The following IAH1 variants were observed in gnomAD, a reference collection of about 807,000 sequenced individuals.
The protein encoded by IAH1 is isoamyl acetate-hydrolyzing esterase 1 homolog.
Under a neutral mutation model 26.7 loss-of-function variants are expected in IAH1, and 24 were observed. The ratio of observed to expected loss-of-function variants is 0.90; its 90% CI spans 0.65 to 1.26. IAH1 has a LOEUF of 1.26. Ranked by LOEUF, IAH1 falls within the 50% of genes most tolerant of loss-of-function variation. IAH1 has a pLI of 0.00. For synonymous variants in IAH1, 140 were observed against 118.5 expected, an observed-to-expected ratio of 1.18 and a Z score of -1.18; for missense variants, 300 against 299.9, an observed-to-expected ratio of 1.00 and a Z score of 0.00.
At chr2:9,504,592 T>C in the IAH1 span, among the ~76,000 whole-genome samples, 1 of 151,748 alleles carries the variant, frequency 6.6e-6, no homozygotes, top group African/African-American at 2.4e-5. Context: ...TAGTGAAACC[T>C]CGTCTCTACT....
intron 2 of IAH1, among the ~76,000 whole-genome samples, chr2:9,477,218 G>T (rs1443797088): frequency 2.0e-5 from 3 of 152,146 alleles, no homozygotes. Context: ...GTCCCCTTGT[G>T]CTGCTTTGGA....
downstream of IAH1, among the ~76,000 whole-genome samples, chr2:9,500,045 C>A (rs1403652046): frequency 6.6e-6 from 1 of 151,978 alleles, no homozygotes; most frequent in Non-Finnish European, 1.5e-5. Flanking sequence ...CCCAGAAATT[C>A]TATTCCTGAA....
chr2:9,509,424 G>A, the IAH1 span, among the ~76,000 whole-genome samples: 2 of 152,134 alleles, frequency 1.3e-5, no homozygotes, highest in Admixed American at 1.3e-4. Context: ...AATAGTAAAT[G>A]ATTCCATTAA....
At chr2:9,487,717 C>T (rs544832795) in intron 5 of IAH1, among the ~76,000 whole-genome samples, 161 of 152,050 alleles carry the variant, frequency 1.1e-3, no homozygotes, top group South Asian at 1.9e-3. Flanking sequence ...ATATTTCTGT[C>T]GCAGGGCCAC....
downstream of IAH1, among the ~76,000 whole-genome samples, chr2:9,491,646 G>C (rs1333408818): frequency 1.3e-5 from 2 of 152,176 alleles, no homozygotes; most frequent in Non-Finnish European, 2.9e-5. Flanking sequence ...GAGGAACTGG[G>C]CCTCAATCCC....
In IAH1 at chr2:9,481,270, TG is replaced by T. The variant is rs1160706137; in HGVS notation, c.284-15del. 1 of 1,613,492 alleles carries T rather than the reference TG, an allele frequency of 6.2e-7. No individual in the cohort carries two copies. The highest frequency in any genetic ancestry group is 8.5e-7 in the Non-Finnish European group (1 of 1,179,636). ...TAAATATGCATCTGGTGAGGACTCA[TG>T]TTTCTCTTGAGCAGATGAGAATCCC... is the stretch of plus-strand genomic sequence containing the variant. On this transcript the variant is annotated splice_polypyrimidine_tract_variant and intron_variant, in intron 3 of 5. Transcript: ENST00000497473.
At position 9,481,408 on chromosome 2, in the gene IAH1, C is replaced by A; in HGVS notation, c.406C>A (p.Leu136Ile). Residue 136 changes from leucine (L) to isoleucine (I), a missense_variant, in exon 4 of 6, where the codon CTT becomes ATT. Physicochemically the swap from Leu to Ile is conservative, Grantham distance 5. Transcript: ENST00000497473. Reference protein sequence around the residue: ...NRVILITPTPLCETAWEEQCI... With the variant: ...NRVILITPTPICETAWEEQCI... ...AGTCATTCTCATCACGCCGACCCCA[C>A]TTTGTGAAACAGCCTGGGAAGAACA... The A allele has an allele frequency of 6.2e-7, 1 of 1,614,194 alleles. No individual in the cohort carries two copies. The highest frequency in any genetic ancestry group is 8.5e-7 in the Non-Finnish European group (1 of 1,180,032).
intron 6 of IAH1, among the ~76,000 whole-genome samples, chr2:9,495,869 T>TC (rs947152665): frequency 2.0e-5 from 3 of 151,632 alleles, no homozygotes; most frequent in African/African-American, 7.3e-5. Context: ...CCTTTTTTTT[T>TC]TTTTTTTTTA....
downstream of IAH1, chr2:9,490,311 G>C: frequency 6.2e-7 from 1 of 1,614,094 alleles, no homozygotes; most frequent in South Asian, 1.1e-5. Context: ...TTTGGGAAGG[G>C]GTCCTTCTCA....
chr2:9,487,842 G>GCACA (rs1447499506), intron 5 of IAH1, among the ~76,000 whole-genome samples: 74 of 139,606 alleles, frequency 5.3e-4, no homozygotes, highest in African/African-American at 2.0e-3. Flanking sequence ...GTGCGCGCGC[G>GCACA]CGCGCGCGCT....
chr2:9,510,559 G>A, the IAH1 span, among the ~76,000 whole-genome samples: 1 of 152,166 alleles, frequency 6.6e-6, no homozygotes, highest in Non-Finnish European at 1.5e-5. Context: ...AACTACTCGG[G>A]AGGCTGAGGC....
At chr2:9,500,745 T>C (rs561259095), downstream of IAH1, among the ~76,000 whole-genome samples, 11 of 152,208 alleles carry the variant, frequency 7.2e-5, no homozygotes, top group Non-Finnish European at 1.5e-4. Flanking sequence ...CATTATATAC[T>C]GGTAAGGAAC....
the IAH1 span, chr2:9,505,045 G>A: frequency 8.9e-7 from 1 of 1,123,124 alleles, no homozygotes; most frequent in Non-Finnish European, 1.3e-6. Context: ...AGAGGTAGAT[G>A]TAAACAAACA....
At chr2:9,492,871 T>G (rs1662275256), downstream of IAH1, 2 of 1,566,508 alleles carry the variant, frequency 1.3e-6, no homozygotes, top group African/African-American at 1.4e-5. Flanking sequence ...AATAAAACAT[T>G]TAATTACTTA....
At chr2:9,490,561 G>T, downstream of IAH1, 1 of 1,544,286 alleles carries the variant, frequency 6.5e-7, no homozygotes, top group South Asian at 1.2e-5. Context: ...AATAAAAGAT[G>T]AATCGGAGGT....
At chr2:9,484,694 G>A (rs1661377297) in intron 5 of IAH1, 144 bp downstream of exon 5, 1 of 606,650 alleles carries the variant, frequency 1.6e-6, no homozygotes, top group East Asian at 2.9e-5. Flanking sequence ...AGGCTTGGGG[G>A]AGGGGAGGAA....
rs770978412 is a variant in IAH1 at position 9,474,579 on chromosome 2, G to C, written c.13G>C (p.Glu5Gln). Residue 5 changes from glutamate to glutamine, a missense_variant, in exon 1 of 6, where the codon GAG (glutamate) becomes CAG (glutamine). By Grantham distance (29) the Glu-to-Gln change is conservative. Transcript: ENST00000497473. The surrounding 1 kb of genome is among the most constrained non-coding windows in gnomAD (Gnocchi z 4.3). The stretch of plus-strand genomic sequence containing the variant: ...GCCCGGCTGCTCCATGGCGCTGTGC[G>C]AGGCCGCGGGCTGCGGGAGTGCCCT... MALC[E>Q]AAGCGSALLW... is the part of the protein sequence containing the mutation. 1 of 1,532,792 alleles carries C rather than the reference G, an allele frequency of 6.5e-7. No individual in the cohort carries two copies. The highest frequency in any genetic ancestry group is 1.2e-5 in the South Asian group (1 of 83,220). The allele number at this position is 1,532,792 out of a possible 1,614,324, so 94.9% of individuals were successfully genotyped here.
Position 9,474,727 on chromosome 2 carries a change from T to C in IAH1, c.81+80T>C. ...CCGAGCAGGCCGAGGCTCCTCGCCG[T>C]CCTCTTCGGCGCCCGAGACGGCTGG... On this transcript the variant is annotated intron_variant, in intron 1 of 5. Transcript: ENST00000497473. The surrounding 1 kb of genome is among the most constrained non-coding windows in gnomAD (Gnocchi z 4.3). 9.0e-7 allele frequency: 1 copy of C among 1,110,622 alleles called. No homozygotes were observed. The highest frequency in any genetic ancestry group is 1.2e-6 in the Non-Finnish European group (1 of 803,336). 68.8% of individuals were successfully genotyped at this position (1,110,622 alleles called of 1,614,324 possible). A position where few individuals can be genotyped will look rare whatever the true frequency, so the allele number is the denominator to read the frequency against.
intron 4 of IAH1, among the ~76,000 whole-genome samples, chr2:9,483,885 G>A (rs1308283666): frequency 1.3e-5 from 2 of 152,232 alleles, no homozygotes; most frequent in Non-Finnish European, 2.9e-5. Context: ...GAAAGCTTCA[G>A]GACGGTTAAG....
Sources: allele counts gnomAD v4.1 joint callset (sites outside exome capture counted in the v4.1 genomes callset), GRCh38; gene constraint gnomAD v4.1.1; non-coding constraint Gnocchi (gnomAD v3.1); transcripts MANE v1.5; gene names NCBI Gene and HGNC (gene_info 2026-07-23, HGNC 2026-07-21).